Variants in SPDYE17 observed in about 807,000 individuals in gnomAD.
SPDYE17 encodes speedy/RINGO cell cycle regulator family member E17, also known as speedy protein E17.
For missense variants in SPDYE17, 7 were observed against 38.0 expected (o/e 0.18, Z 2.15); for synonymous variants, 4 against 14.8 (o/e 0.27, Z 1.68).
At position 77,022,537 on chromosome 7, in the gene SPDYE17, AC is replaced by A. The variant is rs1250036062; in HGVS notation, c.*1295del. Among the ~76,000 whole-genome samples, 3 of 66,292 alleles carry A rather than the reference AC, an allele frequency of 4.5e-5. No individual in the cohort carries two copies. Among genetic ancestry groups the A allele is most frequent in the Admixed American group, 2.1e-4 (1 of 4,776 alleles). The allele number at this position is 66,292 out of a possible 152,430, so 43.5% of individuals were successfully genotyped here. On this transcript the variant is annotated 3_prime_UTR_variant, in exon 8 of 8. Coordinates refer to ENST00000671986, the MANE Select transcript of SPDYE17 (RefSeq NM_001351351.3). Reference sequence around the variant, plus strand: ...TTTATTTTTACAAGAATTTAGGGGAACTACCACATAGCTATAAATGTAATAT... The same window carrying A: ...TTTATTTTTACAAGAATTTAGGGGAATACCACATAGCTATAAATGTAATAT...
chr7:77,029,791 C>T lies in SPDYE17; in HGVS notation c.131-340G>A, dbSNP rs868389236. Among the ~76,000 whole-genome samples the T allele has an allele frequency of 8.4e-5, 10 of 119,200 alleles. 1 individual carries two copies. Among genetic ancestry groups the T allele is most frequent in the Admixed American group, 5.5e-4 (5 of 9,030 alleles). The allele number at this position is 119,200 out of a possible 152,430, so 78.2% of individuals were successfully genotyped here. ...GTGCAATCTCAGCTCACTGCAACAT[C>T]CATCTCCCGGATTCCATTTATTCTC... On this transcript the variant is annotated intron_variant, in intron 2 of 7. Transcript: ENST00000671986.
At chr7:77,029,698 CT>C (rs1166509214) in intron 2 of SPDYE17, among the ~76,000 whole-genome samples, 1 of 41,602 alleles carries the variant, frequency 2.4e-5, no homozygotes, top group Non-Finnish European at 3.6e-5. Flanking sequence ...CTGAGTCCCT[CT>C]TTTTTTTTTT....
In SPDYE17 at chr7:77,029,816, C is replaced by T. The variant is rs1402312081; in HGVS notation, c.131-365G>A. Among the ~76,000 whole-genome samples, 3 of 124,454 alleles carry T rather than the reference C, an allele frequency of 2.4e-5. 1 individual carries two copies. The highest frequency in any genetic ancestry group is 4.9e-5 in the Non-Finnish European group (3 of 61,610). 81.6% of individuals were successfully genotyped at this position (124,454 alleles called of 152,430 possible). On this transcript the variant is annotated intron_variant, in intron 2 of 7. Coordinates refer to ENST00000671986, the MANE Select transcript of SPDYE17 (RefSeq NM_001351351.3). The stretch of plus-strand genomic sequence containing the variant: ...CCATCTCCCGGATTCCATTTATTCT[C>T]CTGCCTCAGCCTCTCAGGTAGCTGG...
chr7:77,027,767 G>A (rs566363609), intron 4 of SPDYE17, among the ~76,000 whole-genome samples: 41 of 127,620 alleles, frequency 3.2e-4, no homozygotes, highest in African/African-American at 1.0e-3. Flanking sequence ...AGGCCAAGGC[G>A]GGTGGATCAC....
At chr7:77,026,666 G>GT (rs1789439148) in intron 5 of SPDYE17, among the ~76,000 whole-genome samples, 163 bp downstream of exon 5, 1 of 64,802 alleles carries the variant, frequency 1.5e-5, no homozygotes, top group African/African-American at 4.9e-5. Flanking sequence ...TTTGTTTTTT[G>GT]TTCTTTTTTT....
At chr7:77,029,972 G>T (rs1374343735) in intron 2 of SPDYE17, among the ~76,000 whole-genome samples, 5 of 123,604 alleles carry the variant, frequency 4.0e-5, no homozygotes, top group African/African-American at 6.0e-5. Context: ...TTCCCAAAGT[G>T]CTGGGATTAC....
At chr7:77,029,495 A>G (rs373606821) in intron 2 of SPDYE17, 44 bp from the exon 3 acceptor site, 5,651 of 57,806 alleles carry the variant, frequency 0.098, 224 homozygotes, top group Non-Finnish European at 0.12. Flanking sequence ...TCTGCAACTG[A>G]TCACGTTAGA....
Position 77,028,116 on chromosome 7 carries a change from C to T in SPDYE17, c.408+26G>A. 1.5e-6 allele frequency: 2 copies of T among 1,379,234 alleles called. 1 individual carries two copies. The highest frequency in any genetic ancestry group is 2.8e-5 in the South Asian group (2 of 70,774). 85.4% of individuals were successfully genotyped at this position (1,379,234 alleles called of 1,614,324 possible). ...CCCTGGCCGTGCGTTAGAACAGGAA[C>T]ACAGTTACATAGAGAACAACCTTAC... On this transcript the variant is annotated intron_variant, in intron 4 of 7. Transcript: ENST00000671986.
At position 77,031,859 on chromosome 7, in the gene SPDYE17, AT is replaced by A. The variant is rs1399986967; in HGVS notation, c.-454+380del. On this transcript the variant is annotated intron_variant, in intron 1 of 7. Coordinates refer to ENST00000671986, the MANE Select transcript of SPDYE17 (RefSeq NM_001351351.3). ...ACACAGCAAGACCTTGTGTCAAAAA[AT>A]TTTTTTAAATTAAATATAAAAGAGT... is the stretch of plus-strand genomic sequence containing the variant. Among the ~76,000 whole-genome samples, 2 of 51,262 alleles carry A rather than the reference AT, an allele frequency of 3.9e-5. 1 individual carries two copies. Among genetic ancestry groups the A allele is most frequent in the Non-Finnish European group, 6.2e-5 (2 of 32,398 alleles). 33.6% of individuals were successfully genotyped at this position (51,262 alleles called of 152,430 possible).
intron 5 of SPDYE17, 35 bp downstream of exon 5, chr7:77,026,794 G>T: frequency 3.9e-6 from 2 of 519,226 alleles, no homozygotes; most frequent in Admixed American, 4.2e-5. Flanking sequence ...CCAGGGCATT[G>T]GATATTGACG....
rs552508852 is a variant in SPDYE17 at position 77,023,726 on chromosome 7, C to T, written c.*107G>A. The T allele has an allele frequency of 1.2e-4, 32 of 270,070 alleles. 11 individuals are homozygous for T. The highest frequency in any genetic ancestry group is 7.1e-4 in the Admixed American group (8 of 11,194). The allele number at this position is 270,070 out of a possible 1,614,324, so 16.7% of individuals were successfully genotyped here. A position where few individuals can be genotyped will look rare whatever the true frequency, so the allele number is the denominator to read the frequency against. On this transcript the variant is annotated 3_prime_UTR_variant, in exon 8 of 8. Transcript: ENST00000671986. ...TGGTTCCTCTCCTCCTTCCTGATGT[C>T]TGCCATTAGCATTGGAATAAAGTTC...
intron 5 of SPDYE17, among the ~76,000 whole-genome samples, chr7:77,026,114 G>T (rs1013027844): frequency 2.4e-5 from 3 of 125,066 alleles, no homozygotes; most frequent in African/African-American, 6.4e-5. Flanking sequence ...CATCACAGAG[G>T]CTGTGAGGTG....
At chr7:77,026,518 G>A (rs1363334941) in intron 5 of SPDYE17, among the ~76,000 whole-genome samples, 4 of 150,262 alleles carry the variant, frequency 2.7e-5, no homozygotes, top group Admixed American at 6.8e-5. Context: ...ACGGGAACCC[G>A]GAGGAGGCTG....
At position 77,023,658 on chromosome 7, in the gene SPDYE17, T is replaced by A. The variant is rs1265576484; in HGVS notation, c.*175A>T. The A allele has an allele frequency of 9.7e-6, 6 of 618,422 alleles. 2 individuals are homozygous for A. The highest frequency in any genetic ancestry group is 1.2e-5 in the Non-Finnish European group (6 of 504,560). 38.3% of individuals were successfully genotyped at this position (618,422 alleles called of 1,614,324 possible). A position where few individuals can be genotyped will look rare whatever the true frequency, so the allele number is the denominator to read the frequency against. Reference sequence around the variant, plus strand: ...GGACAACGTGATCACTGTATTCAGCTCCATCAAGAATGGTCCAGGTTCTTC... The same window carrying A: ...GGACAACGTGATCACTGTATTCAGCACCATCAAGAATGGTCCAGGTTCTTC... On this transcript the variant is annotated 3_prime_UTR_variant, in exon 8 of 8. Transcript: ENST00000671986.
rs1412134301 is a variant in SPDYE17, at chr7:77,030,086, T to TG, written c.130+354_130+355insC. Reference sequence around the variant, plus strand: ...GACCCTTCTTTTGTTTCTTCTTTTTTTTTTTTTTTTTTTTTGAGATAGCAT... The same window carrying TG: ...GACCCTTCTTTTGTTTCTTCTTTTTTGTTTTTTTTTTTTTTTGAGATAGCAT... On this transcript the variant is annotated intron_variant, in intron 2 of 7. Transcript: ENST00000671986. Among the ~76,000 whole-genome samples the TG allele has an allele frequency of 2.6e-5, 2 of 76,572 alleles. 1 individual carries two copies. The highest frequency in any genetic ancestry group is 2.0e-3 in the East Asian group (2 of 990). 50.2% of individuals were successfully genotyped at this position (76,572 alleles called of 152,430 possible). A position where few individuals can be genotyped will look rare whatever the true frequency, so the allele number is the denominator to read the frequency against.
intron 4 of SPDYE17, among the ~76,000 whole-genome samples, chr7:77,027,824 C>T (rs1789457223): frequency 7.8e-6 from 1 of 128,408 alleles, no homozygotes; most frequent in Admixed American, 9.7e-5. Flanking sequence ...GGCAAAACCC[C>T]GTCTCTACTA....
intron 5 of SPDYE17, among the ~76,000 whole-genome samples, chr7:77,026,596 A>C (rs1333490810): frequency 6.7e-6 from 1 of 148,564 alleles, no homozygotes; most frequent in African/African-American, 2.5e-5. Context: ...TGCTGGGGGA[A>C]GTGTCATGTC....
At position 77,028,084 on chromosome 7, in the gene SPDYE17, G is replaced by A. The variant is rs1343389042; in HGVS notation, c.408+58C>T. 14 of 1,364,204 alleles carry A rather than the reference G, an allele frequency of 1.0e-5. 2 individuals carry two copies. The highest frequency in any genetic ancestry group is 2.9e-5 in the African/African-American group (2 of 67,888). 84.5% of individuals were successfully genotyped at this position (1,364,204 alleles called of 1,614,324 possible). A position where few individuals can be genotyped will look rare whatever the true frequency, so the allele number is the denominator to read the frequency against. On this transcript the variant is annotated intron_variant, in intron 4 of 7. Transcript: ENST00000671986. ...GGAGAACTGTGGGTTTGGAAGCTGC[G>A]CCCTCTCCCTGGCCGTGCGTTAGAA...
Position 77,032,225 on chromosome 7 carries a change from A to C in SPDYE17, c.-454+15T>G, listed in dbSNP as rs944873083. Among the ~76,000 whole-genome samples the C allele has an allele frequency of 3.4e-5, 4 of 118,454 alleles. No individual in the cohort carries two copies. Among genetic ancestry groups the C allele is most frequent in the African/African-American group, 6.4e-5 (2 of 31,444 alleles). The allele number at this position is 118,454 out of a possible 152,430, so 77.7% of individuals were successfully genotyped here. Reference sequence around the variant, plus strand: ...AACTACATCTCAAAAAAAAAAAAAAACAAACAAAAAGAACCTGTGGATGAG... The same window carrying C: ...AACTACATCTCAAAAAAAAAAAAAACCAAACAAAAAGAACCTGTGGATGAG... On this transcript the variant is annotated intron_variant, in intron 1 of 7. Coordinates refer to ENST00000671986, the MANE Select transcript of SPDYE17 (RefSeq NM_001351351.3).
Sources: allele counts gnomAD v4.1 joint callset (sites outside exome capture counted in the v4.1 genomes callset), GRCh38; gene constraint gnomAD v4.1.1; transcripts MANE v1.5; gene names NCBI Gene and HGNC (gene_info 2026-07-23, HGNC 2026-07-21).